The following FAP variants were observed in gnomAD, a reference collection of about 807,000 sequenced individuals.
The protein encoded by FAP is fibroblast activation protein alpha.
FAP carries 110 observed loss-of-function variants against 126.5 expected under a neutral mutation model. The ratio of observed to expected loss-of-function variants is 0.87; its 90% CI spans 0.74 to 1.02. The LOEUF is 1.02. Ranked by LOEUF, FAP falls within the 50% of genes least tolerant of loss-of-function variation. The pLI is 0.00. For synonymous variants in FAP, 334 were observed against 297.3 expected (o/e 1.12, Z -1.27); for missense variants, 919 against 909.2 (o/e 1.01, Z -0.14).
intron 15 of FAP, among the ~76,000 whole-genome samples, chr2:162,199,249 A>C (rs1576158827): frequency 6.6e-6 from 1 of 152,214 alleles, no homozygotes; most frequent in African/African-American, 2.4e-5. Context: ...TTTCCACCCC[A>C]TGGCAAAACA....
chr2:162,180,021 C>G (rs1466705170), intron 21 of FAP, among the ~76,000 whole-genome samples: 1 of 151,778 alleles, frequency 6.6e-6, no homozygotes, highest in Non-Finnish European at 1.5e-5. Context: ...GTTGGTCAGG[C>G]TGGTCTCGAA....
Position 162,225,496 on chromosome 2 carries a change from C to T in FAP, c.272G>A (p.Ser91Asn). The T allele has an allele frequency of 6.3e-7, 1 of 1,598,970 alleles. No individual in the cohort carries two copies. Among genetic ancestry groups the T allele is most frequent in the Non-Finnish European group, 8.5e-7 (1 of 1,171,654 alleles). Residue 91 changes from serine (S) to asparagine (N), a missense_variant, in exon 4 of 26, where the codon AGT becomes AAT. Ser to Asn is a conservative substitution (Grantham distance 46). Transcript: ENST00000188790. ...IETGQSYTIL[S>N]NRTMKSVNAS... ...TTGGATACATACCATGGTTCTATTA[C>T]TCAAAATGGTATATGATTGTCCTGT...
intron 2 of FAP, among the ~76,000 whole-genome samples, chr2:162,241,535 G>T (rs1329733494): frequency 6.6e-6 from 1 of 152,038 alleles, no homozygotes; most frequent in Admixed American, 6.5e-5. Flanking sequence ...ACAAACTTTT[G>T]TTCCAAGAAC....
In FAP at chr2:162,195,861, A is replaced by AC. The variant is rs910836455; in HGVS notation, c.1403-1114dup. 1.2e-3 allele frequency among the ~76,000 whole-genome samples: 175 copies of AC among 150,514 alleles called. 1 individual carries two copies. The highest frequency in any genetic ancestry group is 3.4e-3 in the Middle Eastern group (1 of 290). On this transcript the variant is annotated intron_variant, in intron 16 of 25. Coordinates refer to ENST00000188790, the MANE Select transcript of FAP (RefSeq NM_004460.5). ...GAGGTACATGTTCATTTGCCACCCC[A>AC]CCCCCCCCAGATAGGGTGAGGATGC...
chr2:162,232,794 G>A (rs1689951026), intron 2 of FAP, among the ~76,000 whole-genome samples: 1 of 152,062 alleles, frequency 6.6e-6, no homozygotes, highest in South Asian at 2.1e-4. Flanking sequence ...GGATAACTAA[G>A]GCTTTCAAAG....
At chr2:162,216,693 T>G (rs1192510281) in intron 9 of FAP, among the ~76,000 whole-genome samples, 1 of 152,196 alleles carries the variant, frequency 6.6e-6, no homozygotes, top group Non-Finnish European at 1.5e-5. Flanking sequence ...ATCTTGGAGT[T>G]GTAATAAAAT....
rs1687274242 is a variant in FAP at position 162,170,690 on chromosome 2, T to C, written c.*289A>G. 6.4e-6 allele frequency: 2 copies of C among 311,726 alleles called. No individual in the cohort carries two copies. The highest frequency in any genetic ancestry group is 1.2e-5 in the Non-Finnish European group (2 of 165,646). 19.3% of individuals were successfully genotyped at this position (311,726 alleles called of 1,614,324 possible). A position where few individuals can be genotyped will look rare whatever the true frequency, so the allele number is the denominator to read the frequency against. The stretch of plus-strand genomic sequence containing the variant: ...ATGAATACAGACAACACAATAGCAC[T>C]TGAACTTCTGACTTTATTATTTTTC... On this transcript the variant is annotated 3_prime_UTR_variant, in exon 26 of 26. Transcript: ENST00000188790.
At chr2:162,191,597 A>G (rs1688045285) in intron 17 of FAP, among the ~76,000 whole-genome samples, 1 of 152,078 alleles carries the variant, frequency 6.6e-6, no homozygotes, top group South Asian at 2.1e-4. Context: ...TAGGCTCTTC[A>G]TTGTGATGAA....
At chr2:162,172,675 C>T (rs1406726452) in intron 25 of FAP, 136 bp downstream of exon 25, 3 of 611,324 alleles carry the variant, frequency 4.9e-6, no homozygotes, top group South Asian at 2.2e-5. Flanking sequence ...GATTCATTTG[C>T]TAATGTTCTG....
At chr2:162,224,873 G>A (rs184892906) in intron 4 of FAP, among the ~76,000 whole-genome samples, 1 of 152,072 alleles carries the variant, frequency 6.6e-6, no homozygotes, top group Non-Finnish European at 1.5e-5. Flanking sequence ...ATTCAAATGA[G>A]AGGATTATTG....
At chr2:162,217,875 C>A in intron 9 of FAP, 111 bp downstream of exon 9, 1 of 760,336 alleles carries the variant, frequency 1.3e-6, no homozygotes, top group South Asian at 2.2e-5. Context: ...CCTTACAATG[C>A]TCAAGGATAA....
At chr2:162,215,271 G>C (rs997123762) in intron 10 of FAP, among the ~76,000 whole-genome samples, 2 of 152,178 alleles carry the variant, frequency 1.3e-5, no homozygotes, top group Non-Finnish European at 2.9e-5. Context: ...GAACTGTTAA[G>C]AAAGCCCAAC....
chr2:162,178,955 C>A (rs1303833465), intron 21 of FAP, among the ~76,000 whole-genome samples: 1 of 152,158 alleles, frequency 6.6e-6, no homozygotes, highest in Non-Finnish European at 1.5e-5. Flanking sequence ...GATATGACCT[C>A]TTCCAACTGC....
Position 162,215,938 on chromosome 2 carries a change from C to G in FAP, c.826G>C (p.Gly276Arg). Residue 276 changes from glycine to arginine, a missense_variant, in exon 10 of 26, where the codon GGT (glycine) becomes CGT (arginine). Physicochemically the swap from Gly to Arg is moderately radical, Grantham distance 125. Transcript: ENST00000188790. ...IIDTTYPAYV[G>R]PQEVPVPAMI... ...GCTGGAACAGGCACTTCCTGGGGAC[C>G]TACATACGCAGGGTAAGTGGTATCG... is the stretch of plus-strand genomic sequence containing the variant. 2 of 1,614,012 alleles carry G rather than the reference C, an allele frequency of 1.2e-6. No homozygotes were observed. The highest frequency in any genetic ancestry group is 1.7e-6 in the Non-Finnish European group (2 of 1,179,950).
chr2:162,219,291 A>G, intron 7 of FAP, 108 bp from the exon 8 acceptor site: 1 of 1,071,890 alleles, frequency 9.3e-7, no homozygotes, highest in Non-Finnish European at 1.3e-6. Context: ...AAAGATACAA[A>G]AAAGATTCAC....
chr2:162,209,633 G>T (rs1688847445), intron 12 of FAP: 1 of 217,494 alleles, frequency 4.6e-6, no homozygotes, highest in South Asian at 1.4e-4. Context: ...ACAGATCAGG[G>T]ATTTTGTCTC....
intron 18 of FAP, 137 bp downstream of exon 18, chr2:162,189,519 A>G: frequency 1.7e-6 from 1 of 595,276 alleles, no homozygotes; most frequent in Non-Finnish European, 3.0e-6. Context: ...TTGTTACAGT[A>G]AGATTATTTT....
chr2:162,214,074 C>T lies in FAP; in HGVS notation c.867-1G>A, dbSNP rs767894138. Reference sequence around the variant, plus strand: ...CGTGAGCCAACTGAAATAATAATCACTGCAAATAAAATAGAAACAGGTAGT... The same window carrying T: ...CGTGAGCCAACTGAAATAATAATCATTGCAAATAAAATAGAAACAGGTAGT... On this transcript the variant is annotated splice_acceptor_variant, in intron 10 of 25. Coordinates refer to ENST00000188790, the MANE Select transcript of FAP (RefSeq NM_004460.5). LOFTEE classifies it high-confidence loss of function. 2.5e-6 allele frequency: 4 copies of T among 1,613,250 alleles called. No individual in the cohort carries two copies. The African/African-American group carries it at 4.0e-5, about 16-fold the overall frequency.
chr2:162,230,049 C>T (rs1023467953), intron 2 of FAP, among the ~76,000 whole-genome samples: 3 of 152,138 alleles, frequency 2.0e-5, no homozygotes, highest in Non-Finnish European at 2.9e-5. Flanking sequence ...CCTAACCTCA[C>T]GTTAGCTTTG....
Sources: gnomAD v4.1 joint callset for allele counts (sites outside exome capture counted in the v4.1 genomes callset) on GRCh38, gnomAD v4.1.1 for gene constraint, MANE v1.5 for transcripts, NCBI Gene and HGNC (gene_info 2026-07-23, HGNC 2026-07-21) for gene names.